The following CTNNA2 variants were observed in gnomAD, a reference collection of about 807,000 sequenced individuals.
CTNNA2 encodes the protein catenin alpha 2.
In CTNNA2, 42 loss-of-function variants were observed where a neutral mutation model predicts 101.0. The ratio of observed to expected loss-of-function variants is 0.42; its 90% CI spans 0.32 to 0.54. The LOEUF is 0.54. Among genes scored for constraint, CTNNA2 ranks in the 20% least tolerant of loss-of-function variants. The pLI is 0.14. For synonymous variants in CTNNA2, 450 were observed against 456.4 expected (o/e 0.99, Z 0.18); for missense variants, 871 against 1,223.1 (o/e 0.71, Z 4.29).
At chr2:79,747,662 C>T (rs181085551) in intron 3 of CTNNA2, among the ~76,000 whole-genome samples, 4 of 152,228 alleles carry the variant, frequency 2.6e-5, no homozygotes, top group East Asian at 1.9e-4. Flanking sequence ...AAATTGTGTT[C>T]TCGTGGATAT....
In CTNNA2 at chr2:79,890,790, T is replaced by G. The variant is rs924603986; in HGVS notation, c.852+16448T>G. On this transcript the variant is annotated intron_variant, in intron 6 of 18. Transcript: ENST00000402739. ...TTTATAAACAATGGTAATTTATTGC[T>G]CATGGTTTTGGAGGCCAGGGAGTTC... Among the ~76,000 whole-genome samples the G allele has an allele frequency of 2.1e-5, 3 of 145,894 alleles. No homozygotes were observed. In the East Asian group the frequency reaches 6.0e-4, roughly 29 times the overall value.
At position 79,538,095 on chromosome 2, in the gene CTNNA2, T is replaced by G. The variant is rs967142321; in HGVS notation, c.-6+24888T>G. 2.0e-5 allele frequency among the ~76,000 whole-genome samples: 3 copies of G among 152,182 alleles called. No homozygotes were observed. In the South Asian group the frequency reaches 6.2e-4, roughly 32 times the overall value. ...AGACCAGGATCACAAAAACATGTTTTAAAACACTAAGATAGTTTGTAAAAA... is the reference window on the plus strand; with the variant it reads ...AGACCAGGATCACAAAAACATGTTTGAAAACACTAAGATAGTTTGTAAAAA... On this transcript the variant is annotated intron_variant, in intron 1 of 18. Coordinates refer to ENST00000402739, the MANE Select transcript of CTNNA2 (RefSeq NM_001282597.3).
At chr2:80,433,789 T>G (rs1281049057) in intron 9 of CTNNA2, among the ~76,000 whole-genome samples, 1 of 152,216 alleles carries the variant, frequency 6.6e-6, no homozygotes, top group Non-Finnish European at 1.5e-5. Context: ...AAACGGTTAT[T>G]CTATATGCTT....
chr2:80,337,352 C>CT (rs1342173943), intron 7 of CTNNA2, among the ~76,000 whole-genome samples: 3 of 147,570 alleles, frequency 2.0e-5, no homozygotes, highest in Non-Finnish European at 4.5e-5. Context: ...CAGACTCTGT[C>CT]TCAAAAAAAA....
intron 2 of CTNNA2, among the ~76,000 whole-genome samples, chr2:79,260,231 C>A (rs1043463483): frequency 6.6e-6 from 1 of 152,126 alleles, no homozygotes. Flanking sequence ...TTACTATCAG[C>A]TCAAGGAAGT....
chr2:80,388,825 G>A (rs1677250562), intron 7 of CTNNA2, among the ~76,000 whole-genome samples: 1 of 152,184 alleles, frequency 6.6e-6, no homozygotes, highest in South Asian at 2.1e-4. Flanking sequence ...GGTCAGGGAT[G>A]GAGAGCTAGG....
chr2:79,461,370 G>A lies in CTNNA2; in HGVS notation c.-134-43684G>A, dbSNP rs145168214. ...TGCTCTTCACTTGGATACTTCAGAA[G>A]AGAGGTTCCCTGGCAGTGTGCGAGT... is the stretch of plus-strand genomic sequence containing the variant. On this transcript the variant is annotated intron_variant, in intron 4 of 21. Transcript: ENST00000466387. 8.3e-4 allele frequency among the ~76,000 whole-genome samples: 126 copies of A among 152,322 alleles called. 1 individual carries two copies. Among genetic ancestry groups the A allele is most frequent in the African/African-American group, 3.0e-3 (123 of 41,562 alleles).
intron 2 of CTNNA2, among the ~76,000 whole-genome samples, chr2:79,744,158 T>C (rs1248524745): frequency 6.6e-6 from 1 of 152,208 alleles, no homozygotes; most frequent in Non-Finnish European, 1.5e-5. Flanking sequence ...ATTCATGTGC[T>C]TTTGTTTTTC....
At chr2:79,877,074 A>G (rs1683080431) in intron 6 of CTNNA2, among the ~76,000 whole-genome samples, 1 of 151,770 alleles carries the variant, frequency 6.6e-6, no homozygotes, top group African/African-American at 2.4e-5. Flanking sequence ...TATATTATAT[A>G]TGAATGAAAA....
At chr2:80,236,185 C>A (rs1709542261) in intron 7 of CTNNA2, among the ~76,000 whole-genome samples, 1 of 152,058 alleles carries the variant, frequency 6.6e-6, no homozygotes, top group Non-Finnish European at 1.5e-5. Context: ...TTTATATGTA[C>A]CACATTTTCT....
intron 7 of CTNNA2, among the ~76,000 whole-genome samples, chr2:80,135,433 G>C (rs558826143): frequency 6.6e-6 from 1 of 152,312 alleles, no homozygotes; most frequent in African/African-American, 2.4e-5. Flanking sequence ...GAGGTGGGTA[G>C]ACCAGAAATC....
chr2:79,495,244 A>G (rs1671244353), intron 4 of CTNNA2, among the ~76,000 whole-genome samples: 1 of 152,260 alleles, frequency 6.6e-6, no homozygotes, highest in African/African-American at 2.4e-5. Flanking sequence ...TTATATACAG[A>G]ATATATAAAA....
chr2:80,270,515 T>A (rs1673382993), intron 7 of CTNNA2, among the ~76,000 whole-genome samples: 1 of 152,204 alleles, frequency 6.6e-6, no homozygotes, highest in African/African-American at 2.4e-5. Flanking sequence ...AACCACAGTC[T>A]TAATTTAAGG....
chr2:79,732,014 A>G (rs1449567957), intron 2 of CTNNA2, among the ~76,000 whole-genome samples: 3 of 152,040 alleles, frequency 2.0e-5, no homozygotes, highest in African/African-American at 4.8e-5. Context: ...ACATTGGACT[A>G]TATACATACC....
At chr2:79,936,484 G>A (rs961046389) in intron 7 of CTNNA2, among the ~76,000 whole-genome samples, 9 of 151,684 alleles carry the variant, frequency 5.9e-5, no homozygotes, top group South Asian at 2.1e-4. Context: ...GCCTGCAACC[G>A]GCATCCTCTG....
chr2:80,138,249 C>T (rs1702807012), intron 7 of CTNNA2, among the ~76,000 whole-genome samples: 1 of 152,048 alleles, frequency 6.6e-6, no homozygotes, highest in Non-Finnish European at 1.5e-5. Context: ...GCCTGATCAC[C>T]TCTAATAAGA....
chr2:80,574,465 A>G (rs1002650626), intron 13 of CTNNA2, 151 bp downstream of exon 13: 3 of 884,088 alleles, frequency 3.4e-6, no homozygotes, highest in Non-Finnish European at 4.8e-6. Context: ...TGAGCTTTAT[A>G]CTTATGAAGG....
chr2:80,638,019 A>G (rs1050110131), intron 18 of CTNNA2, among the ~76,000 whole-genome samples: 1 of 152,172 alleles, frequency 6.6e-6, no homozygotes, highest in Admixed American at 6.5e-5. Context: ...CCATTTTATG[A>G]AAACATATTT....
At chr2:80,059,669 T>C (rs1697444142) in intron 7 of CTNNA2, among the ~76,000 whole-genome samples, 1 of 151,822 alleles carries the variant, frequency 6.6e-6, no homozygotes, top group Admixed American at 6.6e-5. Context: ...CTTCCTGGAG[T>C]CAAGACAGTG....
Sources: gnomAD v4.1 joint callset for allele counts (sites outside exome capture counted in the v4.1 genomes callset) on GRCh38, gnomAD v4.1.1 for gene constraint, MANE v1.5 for transcripts, NCBI Gene and HGNC (gene_info 2026-07-23, HGNC 2026-07-21) for gene names.